Variants in CDH4 observed in about 807,000 individuals in gnomAD.
CDH4 encodes cadherin 4.
CDH4 carries 33 observed loss-of-function variants against 86.0 expected under a neutral mutation model. That is an observed-to-expected ratio of 0.38 (90% CI 0.29 to 0.51). CDH4 has a LOEUF of 0.51. CDH4 is among the 20% of genes least tolerant of loss of function. The probability of loss-of-function intolerance (pLI) is 0.86; values close to 1 mark genes in which losing one functional copy is unlikely to be tolerated. For missense variants in CDH4, 1,114 were observed against 1,307.4 expected, an observed-to-expected ratio of 0.85 and a Z score of 2.28; for synonymous variants, 555 against 549.4, an observed-to-expected ratio of 1.01 and a Z score of -0.14.
Position 61,922,026 on chromosome 20 carries a change from T to C in CDH4, c.1375-1425T>C, listed in dbSNP as rs139760538. Among the ~76,000 whole-genome samples, 9 of 152,362 alleles carry C rather than the reference T, an allele frequency of 5.9e-5. No individual in the cohort carries two copies. In the East Asian group the frequency reaches 1.7e-3, roughly 29 times the overall value. ...GATCCTGGAAAGCTCTCCTCTTCAG[T>C]ACACAGAGGGTGTTCTCTTTCCTCT... On this transcript the variant is annotated intron_variant, in intron 9 of 15. Coordinates refer to ENST00000614565, the MANE Select transcript of CDH4 (RefSeq NM_001794.5).
intron 2 of CDH4, among the ~76,000 whole-genome samples, chr20:61,258,939 C>G (rs1191611049): frequency 6.6e-6 from 1 of 152,206 alleles, no homozygotes; most frequent in Non-Finnish European, 1.5e-5. Context: ...CCACTCTTAG[C>G]TAAACTGATG....
intron 4 of CDH4, among the ~76,000 whole-genome samples, chr20:61,779,435 C>T (rs886266360): frequency 4.6e-5 from 7 of 152,158 alleles, no homozygotes; most frequent in African/African-American, 7.2e-5. Flanking sequence ...GTGCTTAGGT[C>T]GCTCGGAGGA....
intron 7 of CDH4, among the ~76,000 whole-genome samples, chr20:61,892,158 G>A (rs574000581): frequency 2.7e-4 from 41 of 152,286 alleles, no homozygotes; most frequent in African/African-American, 6.7e-4. Context: ...ACAGGCCATC[G>A]CTTGCTGTCA....
intron 2 of CDH4, among the ~76,000 whole-genome samples, chr20:61,641,817 GGCACCACCA>G (rs2087013249): frequency 2.4e-4 from 1 of 4,090 alleles, no homozygotes; most frequent in African/African-American, 2.0e-3. Context: ...TGACCCACCA[GGCACCACCA>G]GGCACCACAG....
chr20:61,266,306 C>G (rs559677413), intron 2 of CDH4, among the ~76,000 whole-genome samples: 4 of 152,144 alleles, frequency 2.6e-5, no homozygotes, highest in African/African-American at 7.2e-5. Flanking sequence ...ATTGGACACT[C>G]TGTCTCTCCC....
intron 2 of CDH4, among the ~76,000 whole-genome samples, chr20:61,618,817 A>G (rs748315103): frequency 2.6e-5 from 4 of 152,192 alleles, no homozygotes; most frequent in Admixed American, 6.5e-5. Context: ...CAAGTGGTGA[A>G]TTCAGAGAGG....
chr20:61,383,086 T>G (rs2084913801), intron 2 of CDH4, among the ~76,000 whole-genome samples: 2 of 116,784 alleles, frequency 1.7e-5, no homozygotes, highest in African/African-American at 3.8e-5. Context: ...AATATATATA[T>G]GAATATATAT....
chr20:61,383,152 G>GAATATATTATATATATGAATATATAT (rs2084915220), intron 2 of CDH4, among the ~76,000 whole-genome samples: 1 of 84,148 alleles, frequency 1.2e-5, no homozygotes, highest in African/African-American at 5.6e-5. Context: ...GAATATATAT[G>GAATATATTATATATATGAATATATAT]AATATATTAT....
intron 2 of CDH4, among the ~76,000 whole-genome samples, chr20:61,603,859 TGTG>T (rs2086621992): frequency 6.6e-6 from 1 of 152,138 alleles, no homozygotes; most frequent in Admixed American, 6.5e-5. Flanking sequence ...GAATAGATAA[TGTG>T]GGAAAAGCAT....
At chr20:61,255,927 C>A (rs1012921345) in intron 2 of CDH4, among the ~76,000 whole-genome samples, 1 of 152,156 alleles carries the variant, frequency 6.6e-6, no homozygotes, top group Non-Finnish European at 1.5e-5. Flanking sequence ...TTTTATTTTG[C>A]ACCGAATCCA....
In CDH4 at chr20:61,933,340, C is replaced by T. The variant is rs541336245; in HGVS notation, c.2379+216C>T. Among the ~76,000 whole-genome samples, 7 of 152,374 alleles carry T rather than the reference C, an allele frequency of 4.6e-5. 1 individual carries two copies. In the South Asian group the frequency reaches 1.0e-3, roughly 23 times the overall value. ...GGGATCCTGGGACCCCTCCCATCCT[C>T]GCCTTCTTCCCTCCCATCACCAGCC... On this transcript the variant is annotated intron_variant, in intron 14 of 15. Transcript: ENST00000614565.
chr20:61,409,269 G>A lies in CDH4; in HGVS notation c.169+154332G>A, dbSNP rs2085101868. Among the ~76,000 whole-genome samples, 7 of 152,310 alleles carry A rather than the reference G, an allele frequency of 4.6e-5. No individual in the cohort carries two copies. The South Asian group carries it at 1.4e-3, about 32-fold the overall frequency. On this transcript the variant is annotated intron_variant, in intron 2 of 15. Transcript: ENST00000614565. ...GAGCCATCAAATAAACCTCAAAGCA[G>A]CTGGGACTCAGAGAGAACTTCACTA...
rs533134017 is a variant in CDH4, at chr20:61,879,703, G to A, written c.1050+5803G>A. On this transcript the variant is annotated intron_variant, in intron 7 of 15. Coordinates refer to ENST00000614565, the MANE Select transcript of CDH4 (RefSeq NM_001794.5). The surrounding 1 kb of genome is among the most constrained non-coding windows in gnomAD (Gnocchi z 4.1). ...TAGAATATTTATGGCCTAATGAGGAGGTGAACGTGCCGCCCGAGCCCCGTC... is the reference window on the plus strand; with the variant it reads ...TAGAATATTTATGGCCTAATGAGGAAGTGAACGTGCCGCCCGAGCCCCGTC... Among the ~76,000 whole-genome samples the A allele has an allele frequency of 1.4e-4, 21 of 152,274 alleles. No homozygotes were observed. The highest frequency in any genetic ancestry group is 5.1e-4 in the African/African-American group (21 of 41,566).
chr20:61,809,826 G>A (rs1980337400), intron 4 of CDH4, among the ~76,000 whole-genome samples: 1 of 152,192 alleles, frequency 6.6e-6, no homozygotes, highest in African/African-American at 2.4e-5. Context: ...GACAAGGCAG[G>A]TGTCTAGAGT....
At chr20:61,524,477 T>C (rs2085896132) in intron 2 of CDH4, among the ~76,000 whole-genome samples, 1 of 150,644 alleles carries the variant, frequency 6.6e-6, no homozygotes, top group Admixed American at 6.6e-5. Context: ...GCAACTTCTA[T>C]GAATATTACA....
chr20:61,801,545 GTGTAGCCCCA>G (rs1568823765), intron 4 of CDH4, among the ~76,000 whole-genome samples: 1 of 152,196 alleles, frequency 6.6e-6, no homozygotes, highest in East Asian at 1.9e-4. Flanking sequence ...GAACAGCCCC[GTGTAGCCCCA>G]CATGGTGCTG....
chr20:61,307,241 C>T lies in CDH4; in HGVS notation c.169+52304C>T, dbSNP rs530451303. Among the ~76,000 whole-genome samples, 10 of 152,286 alleles carry T rather than the reference C, an allele frequency of 6.6e-5. No homozygotes were observed. In the East Asian group the frequency reaches 1.9e-3, roughly 29 times the overall value. ...CTCAGCACCTACATGCTCCAACACG[C>T]CTTGCATGTATCATTAGGCACTCAG... On this transcript the variant is annotated intron_variant, in intron 2 of 15. Coordinates refer to ENST00000614565, the MANE Select transcript of CDH4 (RefSeq NM_001794.5).
At chr20:61,354,156 C>G (rs1444863831) in intron 2 of CDH4, among the ~76,000 whole-genome samples, 1 of 151,614 alleles carries the variant, frequency 6.6e-6, no homozygotes, top group Non-Finnish European at 1.5e-5. Flanking sequence ...GCCGACCGTC[C>G]TACAGTGCTT....
At chr20:61,756,505 AGGCCCATCCCCCCATCCCCCT>A (rs2088566647) in intron 3 of CDH4, among the ~76,000 whole-genome samples, 1 of 52,604 alleles carries the variant, frequency 1.9e-5, no homozygotes, top group Non-Finnish European at 4.0e-5. Flanking sequence ...CCTATCCCCC[AGGCCCATCCCCCCATCCCCCT>A]GGCCCATCAC....
Sources: gnomAD v4.1 joint callset for allele counts (sites outside exome capture counted in the v4.1 genomes callset) on GRCh38, gnomAD v4.1.1 for gene constraint, Gnocchi (gnomAD v3.1) non-coding constraint, MANE v1.5 for transcripts, NCBI Gene and HGNC (gene_info 2026-07-23, HGNC 2026-07-21) for gene names.